The following DNAH7 variants were observed in gnomAD, a reference collection of about 807,000 sequenced individuals.
The protein encoded by DNAH7 is dynein axonemal heavy chain 7.
DNAH7 carries 397 observed loss-of-function variants against 444.6 expected under a neutral mutation model. The observed-to-expected ratio is 0.89, with a 90% CI of 0.82 to 0.97. The LOEUF is 0.97. Ranked by LOEUF, DNAH7 falls within the 50% of genes least tolerant of loss-of-function variation. The pLI is 0.00. For synonymous variants in DNAH7, 1,636 were observed against 1,624.4 expected, an observed-to-expected ratio of 1.01 and a Z score of -0.17; for missense variants, 4,902 against 4,800.8, an observed-to-expected ratio of 1.02 and a Z score of -0.62.
At chr2:195,963,330 G>A (rs955143370) in intron 17 of DNAH7, among the ~76,000 whole-genome samples, 1 of 152,156 alleles carries the variant, frequency 6.6e-6, no homozygotes, top group African/African-American at 2.4e-5. Context: ...GTATCTCATT[G>A]TAGTTTTGAT....
chr2:195,982,109 T>C (rs1692615197), intron 15 of DNAH7, among the ~76,000 whole-genome samples: 2 of 151,810 alleles, frequency 1.3e-5, no homozygotes, highest in African/African-American at 2.4e-5. Context: ...TGCAGCACTA[T>C]ACAAGGAGCT....
intron 24 of DNAH7, among the ~76,000 whole-genome samples, chr2:195,917,101 CA>C (rs34903739): frequency 0.23 from 12,297 of 53,322 alleles, 296 homozygotes; most frequent in African/African-American, 0.3. Flanking sequence ...GACTCCACCT[CA>C]AAAAAAAAAA....
chr2:196,050,617 T>C (rs533026430), intron 3 of DNAH7, among the ~76,000 whole-genome samples: 1 of 152,330 alleles, frequency 6.6e-6, no homozygotes, highest in South Asian at 2.1e-4. Flanking sequence ...ACATAATTAC[T>C]AGACAATAAA....
intron 10 of DNAH7, 120 bp downstream of exon 10, chr2:196,012,667 A>T: frequency 9.9e-7 from 1 of 1,011,056 alleles, no homozygotes; most frequent in Non-Finnish European, 1.4e-6. Context: ...TATTATATTT[A>T]AATCATGTAG....
At chr2:195,928,620 C>A (rs1005736229) in intron 21 of DNAH7, among the ~76,000 whole-genome samples, 1 of 151,988 alleles carries the variant, frequency 6.6e-6, no homozygotes, top group African/African-American at 2.4e-5. Context: ...TCAAAGAAAC[C>A]AGATATATGC....
intron 38 of DNAH7, 47 bp from the exon 39 acceptor site, chr2:195,873,741 A>C: frequency 7.4e-7 from 1 of 1,359,274 alleles, no homozygotes. Flanking sequence ...TAGTATATAC[A>C]AGAGTATTTT....
intron 15 of DNAH7, among the ~76,000 whole-genome samples, chr2:195,978,350 A>T (rs1409610059): frequency 2.0e-5 from 3 of 152,166 alleles, no homozygotes; most frequent in African/African-American, 2.4e-5. Context: ...ATAAATTATA[A>T]GATATTATTT....
chr2:195,979,144 C>T (rs901153212), intron 15 of DNAH7, among the ~76,000 whole-genome samples: 5 of 152,144 alleles, frequency 3.3e-5, no homozygotes, highest in Admixed American at 6.6e-5. Flanking sequence ...ATTTACAGAA[C>T]ATTTCATCCA....
At chr2:195,891,125 C>A (rs1701989997) in intron 31 of DNAH7, among the ~76,000 whole-genome samples, 1 of 152,204 alleles carries the variant, frequency 6.6e-6, no homozygotes, top group African/African-American at 2.4e-5. Flanking sequence ...CAGCCAGTAG[C>A]AGCTGGCAAG....
At position 195,881,858 on chromosome 2, in the gene DNAH7, G is replaced by C. The variant is rs1574654633; in HGVS notation, c.5898C>G (p.Thr1966=). The C allele has an allele frequency of 9.9e-6, 16 of 1,613,992 alleles. No homozygotes were observed. Among genetic ancestry groups the C allele is most frequent in the Middle Eastern group, 1.7e-4 (1 of 6,060 alleles). Residue 1966 remains threonine (T), a synonymous_variant, in exon 36 of 65, where the codon ACC becomes ACG. Transcript: ENST00000312428. Reference sequence around the variant, plus strand: ...CAAATATTGAAGGCTTTTGATGGGTGGTCAGCAATTCCATTAATGCAGAGT... The same window carrying C: ...CAAATATTGAAGGCTTTTGATGGGTCGTCAGCAATTCCATTAATGCAGAGT... ...IRYSALMELL[T]THQKPSIFVG...
intron 27 of DNAH7, chr2:195,902,646 C>T (rs1686779689): frequency 6.6e-6 from 1 of 152,146 alleles, no homozygotes; most frequent in Non-Finnish European, 1.5e-5. Context: ...CCTCTTAGCA[C>T]TGTTAGCAAT....
chr2:195,881,600 AAAAT>A (rs1267662049), intron 36 of DNAH7, among the ~76,000 whole-genome samples, 191 bp downstream of exon 36: 1 of 152,180 alleles, frequency 6.6e-6, no homozygotes, highest in African/African-American at 2.4e-5. Context: ...TCAACTTTTG[AAAAT>A]AAATAGGCAA....
chr2:196,036,472 C>T lies in DNAH7; in HGVS notation c.399-8425G>A, dbSNP rs570498329. Among the ~76,000 whole-genome samples, 30 of 152,284 alleles carry T rather than the reference C, an allele frequency of 2.0e-4. 1 individual carries two copies. Among genetic ancestry groups the T allele is most frequent in the East Asian group, 3.9e-4 (2 of 5,182 alleles). ...AGTGTCCTACTACCCAAGGAATAGG[C>T]GATCCAGCATATCCAGGAGTCTTCC... On this transcript the variant is annotated intron_variant, in intron 5 of 64. Transcript: ENST00000312428.
rs757068648 is a variant in DNAH7, at chr2:196,001,807, T to C, written c.1041A>G (p.Gln347=). The change falls in exon 11 of 65, where the codon CAA becomes CAG. Residue 347 remains glutamine, a synonymous_variant. Transcript: ENST00000312428. ...TGGCACTGCTGTCACCAGTTGGCAA[T>C]TGCTTTTTTTTATTACCTTGGTAAT... ...NIYYQGNKKK[Q]LPTGDSSAKL... is the part of the protein sequence containing the mutation. The C allele has an allele frequency of 1.9e-6, 3 of 1,612,682 alleles. No homozygotes were observed. The highest frequency in any genetic ancestry group is 1.3e-5 in the African/African-American group (1 of 74,868).
intron 1 of DNAH7, among the ~76,000 whole-genome samples, chr2:196,065,774 AC>A (rs1698395794): frequency 6.6e-6 from 1 of 152,112 alleles, no homozygotes; most frequent in South Asian, 2.1e-4. Context: ...AGTTTCAATG[AC>A]CCATCAGGCC....
chr2:195,999,263 A>T (rs745917881), intron 12 of DNAH7: 9 of 712,914 alleles, frequency 1.3e-5, no homozygotes, highest in South Asian at 1.2e-4. Context: ...AAAAAACAAA[A>T]GATGGTTGCC....
intron 52 of DNAH7, among the ~76,000 whole-genome samples, chr2:195,809,276 T>A (rs1559112327): frequency 6.6e-6 from 1 of 152,224 alleles, no homozygotes; most frequent in East Asian, 1.9e-4. Flanking sequence ...GAGTTACTGA[T>A]ACACAACTTT....
At chr2:195,986,945 C>A in intron 14 of DNAH7, 121 bp downstream of exon 14, 2 of 901,882 alleles carry the variant, frequency 2.2e-6, no homozygotes, top group South Asian at 5.3e-5. Context: ...ATAAGTTTAG[C>A]ATAATCATTT....
intron 6 of DNAH7, 55 bp downstream of exon 6, chr2:196,027,905 T>C: frequency 6.6e-7 from 1 of 1,523,424 alleles, no homozygotes; most frequent in Non-Finnish European, 9.0e-7. Flanking sequence ...TATAAAATTA[T>C]CTTCAAGTGT....
Sources: gnomAD v4.1 joint callset for allele counts (sites outside exome capture counted in the v4.1 genomes callset) on GRCh38, gnomAD v4.1.1 for gene constraint, MANE v1.5 for transcripts, NCBI Gene and HGNC (gene_info 2026-07-23, HGNC 2026-07-21) for gene names.